The following DEDD2 variants were observed in gnomAD, a reference collection of about 807,000 sequenced individuals.
DEDD2 encodes DNA-binding death effector domain-containing protein 2.
In DEDD2, 18 loss-of-function variants were observed where a neutral mutation model predicts 28.9. The observed-to-expected ratio is 0.62, with a 90% CI of 0.43 to 0.92. DEDD2 has a LOEUF of 0.92. Among genes scored for constraint, DEDD2 ranks in the 40% least tolerant of loss-of-function variants. The pLI is 0.00. For synonymous variants in DEDD2, 211 were observed against 206.1 expected (o/e 1.02, Z -0.20); for missense variants, 411 against 463.3 (o/e 0.89, Z 1.04).
At chr19:42,211,453 G>A (rs2035760932) in intron 3 of DEDD2, among the ~76,000 whole-genome samples, 2 of 144,274 alleles carry the variant, frequency 1.4e-5, no homozygotes, top group Admixed American at 7.0e-5. Flanking sequence ...GGGAGGGAAG[G>A]AGGAAGAGAG....
In DEDD2 at chr19:42,198,766, G is replaced by A. The variant is rs1428122259; in HGVS notation, c.*672C>T. On this transcript the variant is annotated 3_prime_UTR_variant, in exon 5 of 5. Transcript: ENST00000596251. The stretch of plus-strand genomic sequence containing the variant: ...TATGATGCTGCCATAACACTCCCAT[G>A]TGACACTCCAGGTGACATCCAAGTG... 1 of 152,338 alleles carries A rather than the reference G, an allele frequency of 6.6e-6. No homozygotes were observed. Among genetic ancestry groups the A allele is most frequent in the African/African-American group, 2.4e-5 (1 of 41,428 alleles). 9.4% of individuals were successfully genotyped at this position (152,338 alleles called of 1,614,324 possible). A position where few individuals can be genotyped will look rare whatever the true frequency, so the allele number is the denominator to read the frequency against.
chr19:42,209,929 C>A, intron 3 of DEDD2, 89 bp from the exon 4 acceptor site: 2 of 1,427,592 alleles, frequency 1.4e-6, no homozygotes, highest in South Asian at 2.9e-5. Flanking sequence ...AAGGTGTTCT[C>A]GGTGCTGAGA....
intron 4 of DEDD2, among the ~76,000 whole-genome samples, chr19:42,200,932 C>A (rs1031300402): frequency 2.6e-5 from 4 of 152,164 alleles, no homozygotes; most frequent in Non-Finnish European, 5.9e-5. Context: ...GAATTCCCAC[C>A]CATCACTTAG....
chr19:42,216,262 C>A (rs892952694), intron 2 of DEDD2, among the ~76,000 whole-genome samples: 20 of 152,250 alleles, frequency 1.3e-4, no homozygotes, highest in African/African-American at 4.8e-4. Context: ...CTTGTCAGCT[C>A]CATCATCCTG....
In DEDD2 at chr19:42,215,122, G is replaced by C. The variant is rs781699485; in HGVS notation, c.448+11C>G. ...GGGATGCTGCCATTACACCCACCCAGCTGGGCTCACCTGTCTCCCACTGAC... is the reference window on the plus strand; with the variant it reads ...GGGATGCTGCCATTACACCCACCCACCTGGGCTCACCTGTCTCCCACTGAC... On this transcript the variant is annotated intron_variant, in intron 3 of 4. Coordinates refer to ENST00000596251, the MANE Select transcript of DEDD2 (RefSeq NM_133328.4). 1.3e-5 allele frequency: 21 copies of C among 1,613,592 alleles called. No individual in the cohort carries two copies. The East Asian group carries it at 3.6e-4, about 27-fold the overall frequency.
chr19:42,217,178 C>A (rs1023409968), intron 1 of DEDD2, 133 bp from the exon 2 acceptor site: 4 of 672,448 alleles, frequency 5.9e-6, no homozygotes, highest in African/African-American at 5.5e-5. Flanking sequence ...CTCGGCCTCC[C>A]CCTCCCCCGG....
Position 42,199,340 on chromosome 19 carries a change from A to AT in DEDD2, c.*97dup. On this transcript the variant is annotated 3_prime_UTR_variant, in exon 5 of 5. Transcript: ENST00000596251. This position sits in a 1 kb window ranked among gnomAD's most constrained non-coding sequence, Gnocchi z 7.4. Reference sequence around the variant, plus strand: ...CCCGGTCCTGTCGCAGTCCTCAAAGATGCTAGAGTGACAGTCCTCTAGGGG... The same window carrying AT: ...CCCGGTCCTGTCGCAGTCCTCAAAGATTGCTAGAGTGACAGTCCTCTAGGGG... 1.4e-6 allele frequency: 2 copies of AT among 1,426,796 alleles called. No homozygotes were observed. Among genetic ancestry groups the AT allele is most frequent in the Non-Finnish European group, 1.8e-6 (2 of 1,089,528 alleles). The allele number at this position is 1,426,796 out of a possible 1,614,324, so 88.4% of individuals were successfully genotyped here. A position where few individuals can be genotyped will look rare whatever the true frequency, so the allele number is the denominator to read the frequency against.
chr19:42,201,139 T>TG (rs1204202888), intron 4 of DEDD2, among the ~76,000 whole-genome samples: 3 of 151,998 alleles, frequency 2.0e-5, no homozygotes, highest in African/African-American at 7.3e-5. Context: ...AACTTACAGA[T>TG]GAAAAAATGG....
Position 42,199,832 on chromosome 19 carries a change from G to A in DEDD2, c.590-3C>T. 1 of 1,583,040 alleles carries A rather than the reference G, an allele frequency of 6.3e-7. No individual in the cohort carries two copies. The highest frequency in any genetic ancestry group is 8.6e-7 in the Non-Finnish European group (1 of 1,163,972). On this transcript the variant is annotated splice_polypyrimidine_tract_variant and splice_region_variant and intron_variant, in intron 4 of 4. Coordinates refer to ENST00000596251, the MANE Select transcript of DEDD2 (RefSeq NM_133328.4). The surrounding 1 kb of genome is among the most constrained non-coding windows in gnomAD (Gnocchi z 7.4). Reference sequence around the variant, plus strand: ...TGCTCGAACCCGGAGCCGGATGTCTGCAGGGGAAGGAGGGATTTGTCAGGG... The same window carrying A: ...TGCTCGAACCCGGAGCCGGATGTCTACAGGGGAAGGAGGGATTTGTCAGGG...
chr19:42,209,128 C>A (rs988677341), intron 4 of DEDD2, among the ~76,000 whole-genome samples: 2 of 152,110 alleles, frequency 1.3e-5, no homozygotes, highest in Non-Finnish European at 2.9e-5. Flanking sequence ...GTAATCCCAG[C>A]TACTTGGGAG....
chr19:42,217,693 G>A (rs2036042031), upstream of DEDD2: 1 of 152,722 alleles, frequency 6.5e-6, no homozygotes, highest in African/African-American at 2.4e-5. Context: ...GGATCTTTCT[G>A]GCACCTTCTC....
At chr19:42,214,011 G>A (rs1025257534) in intron 3 of DEDD2, among the ~76,000 whole-genome samples, 6 of 152,182 alleles carry the variant, frequency 3.9e-5, no homozygotes, top group Admixed American at 1.3e-4. Context: ...CCTGATGTCT[G>A]TAATTTACTT....
chr19:42,210,844 G>A (rs1006597792), intron 3 of DEDD2, among the ~76,000 whole-genome samples: 26 of 151,922 alleles, frequency 1.7e-4, no homozygotes, highest in Non-Finnish European at 3.7e-4. Flanking sequence ...CGAGGTGGGT[G>A]GATCACTTGA....
chr19:42,206,412 A>G (rs1412988068), intron 4 of DEDD2, among the ~76,000 whole-genome samples: 1 of 152,118 alleles, frequency 6.6e-6, no homozygotes, highest in East Asian at 1.9e-4. Flanking sequence ...CACAAGCTCA[A>G]TGAGGGCAAG....
rs749817808 is a variant in DEDD2, at chr19:42,217,022, G to A, written c.-15C>T. On this transcript the variant is annotated 5_prime_UTR_variant, in exon 2 of 5. Coordinates refer to ENST00000596251, the MANE Select transcript of DEDD2 (RefSeq NM_133328.4). ...GATAGCGCCATTCCCGGGGGAGGGAGGCGGAACAAGCTCAGAACCCGGCCT... is the reference window on the plus strand; with the variant it reads ...GATAGCGCCATTCCCGGGGGAGGGAAGCGGAACAAGCTCAGAACCCGGCCT... The A allele has an allele frequency of 6.4e-7, 1 of 1,564,776 alleles. No individual in the cohort carries two copies. Among genetic ancestry groups the A allele is most frequent in the South Asian group, 1.2e-5 (1 of 85,340 alleles).
chr19:42,210,512 G>A (rs937631343), intron 3 of DEDD2, among the ~76,000 whole-genome samples: 1 of 151,936 alleles, frequency 6.6e-6, no homozygotes, highest in African/African-American at 2.4e-5. Context: ...TCCTGCCTCA[G>A]GTTCCCAAGT....
At chr19:42,200,878 C>T (rs896533764) in intron 4 of DEDD2, among the ~76,000 whole-genome samples, 1 of 152,284 alleles carries the variant, frequency 6.6e-6, no homozygotes, top group Middle Eastern at 3.4e-3. Context: ...TAAGGCTATC[C>T]TGTAATCATG....
chr19:42,216,328 T>C (rs966514792), intron 2 of DEDD2, among the ~76,000 whole-genome samples: 3 of 152,238 alleles, frequency 2.0e-5, no homozygotes, highest in Admixed American at 6.5e-5. Context: ...ACTGCTTAAC[T>C]TCTCTGAACT....
upstream of DEDD2, among the ~76,000 whole-genome samples, chr19:42,217,923 A>G (rs1412327435): frequency 1.3e-5 from 2 of 152,122 alleles, no homozygotes; most frequent in African/African-American, 4.8e-5. Flanking sequence ...ACCCGGTTCC[A>G]GGTCCCTACT....
Sources: gnomAD v4.1 joint callset for allele counts (sites outside exome capture counted in the v4.1 genomes callset) on GRCh38, gnomAD v4.1.1 for gene constraint, Gnocchi (gnomAD v3.1) non-coding constraint, MANE v1.5 for transcripts, NCBI Gene and HGNC (gene_info 2026-07-23, HGNC 2026-07-21) for gene names.